The following GATA4 variants were observed in gnomAD, a reference collection of about 807,000 sequenced individuals.
GATA4 encodes the protein transcription factor GATA-4.
GATA4 carries 7 observed loss-of-function variants against 37.9 expected under a neutral mutation model. The ratio of observed to expected loss-of-function variants is 0.18; its 90% CI spans 0.11 to 0.35. The LOEUF (loss-of-function observed/expected upper bound fraction) is 0.35. GATA4 is among the 10% of genes least tolerant of loss of function. The probability of loss-of-function intolerance (pLI) is 1.00; values close to 1 mark genes in which losing one functional copy is unlikely to be tolerated. For synonymous variants in GATA4, 372 were observed against 292.6 expected (o/e 1.27, Z -2.77); for missense variants, 647 against 653.0 (o/e 0.99, Z 0.10).
At chr8:11,691,602 A>G (rs1368210682), upstream of GATA4, among the ~76,000 whole-genome samples, 1 of 152,242 alleles carries the variant, frequency 6.6e-6, no homozygotes, top group African/African-American at 2.4e-5. Flanking sequence ...TTATGGACAG[A>G]AAACTAAGGC....
chr8:11,738,547 C>T (rs1259165240), intron 2 of GATA4, among the ~76,000 whole-genome samples: 3 of 152,106 alleles, frequency 2.0e-5, no homozygotes, highest in Admixed American at 6.5e-5. Context: ...TATTGATGAA[C>T]GTAAGAGTTG....
chr8:11,726,731 G>A (rs538671626), intron 2 of GATA4, among the ~76,000 whole-genome samples: 1 of 152,146 alleles, frequency 6.6e-6, no homozygotes, highest in Non-Finnish European at 1.5e-5. Flanking sequence ...GAAGTGGATA[G>A]GCGTGTGCCC....
chr8:11,727,025 C>T (rs565006078), intron 2 of GATA4, among the ~76,000 whole-genome samples: 3 of 151,466 alleles, frequency 2.0e-5, no homozygotes, highest in Non-Finnish European at 4.4e-5. Context: ...CCTGGAGAGC[C>T]CCTTGAGGCA....
At chr8:11,697,392 C>T (rs898370901) in intron 1 of GATA4, among the ~76,000 whole-genome samples, 4 of 152,214 alleles carry the variant, frequency 2.6e-5, no homozygotes, top group African/African-American at 9.7e-5. Context: ...TTCCAAGCTC[C>T]GTGCCTCCCC....
rs963450811 is a variant in GATA4 at position 11,708,172 on chromosome 8, G to T, written c.-141G>T. 1.6e-5 allele frequency: 15 copies of T among 959,140 alleles called. No individual in the cohort carries two copies. The highest frequency in any genetic ancestry group is 2.0e-5 in the Admixed American group (1 of 50,174). 59.4% of individuals were successfully genotyped at this position (959,140 alleles called of 1,614,324 possible). ...TACGTATATATTTTTAAGCGAGTTGGTTTTTTCCCCTTTGATTTTTGATCT... is the reference window on the plus strand; with the variant it reads ...TACGTATATATTTTTAAGCGAGTTGTTTTTTTCCCCTTTGATTTTTGATCT... On this transcript the variant is annotated 5_prime_UTR_variant, in exon 2 of 7. Transcript: ENST00000532059. The surrounding 1 kb of genome is among the most constrained non-coding windows in gnomAD (Gnocchi z 6.7).
At chr8:11,681,938 C>T (rs1218971312) in intron 1 of GATA4, among the ~76,000 whole-genome samples, 1 of 152,146 alleles carries the variant, frequency 6.6e-6, no homozygotes, top group Admixed American at 6.5e-5. Context: ...AGATCCTTGC[C>T]CCTCACAATA....
chr8:11,716,248 CTAAT>C (rs974372498), intron 2 of GATA4, among the ~76,000 whole-genome samples: 2 of 151,834 alleles, frequency 1.3e-5, no homozygotes, highest in African/African-American at 2.4e-5. Context: ...ACATATTAAA[CTAAT>C]TAAGTTTTAA....
chr8:11,719,017 A>G (rs546714216), intron 2 of GATA4, among the ~76,000 whole-genome samples: 190 of 152,354 alleles, frequency 1.2e-3, no homozygotes, highest in African/African-American at 4.3e-3. Context: ...AGGTTTTCCT[A>G]TCTTATGATA....
chr8:11,727,691 A>G (rs1160883237), intron 2 of GATA4, among the ~76,000 whole-genome samples: 1 of 152,040 alleles, frequency 6.6e-6, no homozygotes, highest in African/African-American at 2.4e-5. Flanking sequence ...AAAAATACAA[A>G]AAATTCGCCC....
At chr8:11,754,013 G>C (rs764690360) in intron 4 of GATA4, among the ~76,000 whole-genome samples, 16 of 152,146 alleles carry the variant, frequency 1.1e-4, no homozygotes, top group Non-Finnish European at 1.8e-4. Context: ...TGTTGTCCAG[G>C]GACATTTTAT....
chr8:11,756,253 G>C (rs889626237), intron 5 of GATA4, among the ~76,000 whole-genome samples: 1 of 152,146 alleles, frequency 6.6e-6, no homozygotes, highest in Non-Finnish European at 1.5e-5. Flanking sequence ...TCAAAGTTCT[G>C]CTTTTGTACA....
chr8:11,690,260 A>G (rs1799268032), upstream of GATA4, among the ~76,000 whole-genome samples: 1 of 152,256 alleles, frequency 6.6e-6, no homozygotes, highest in South Asian at 2.1e-4. Flanking sequence ...CAGCCCTGAT[A>G]CCACATCTTC....
chr8:11,745,825 A>T (rs1382813209), intron 2 of GATA4, among the ~76,000 whole-genome samples: 1 of 152,218 alleles, frequency 6.6e-6, no homozygotes, highest in Non-Finnish European at 1.5e-5. Context: ...TGAATAAAAT[A>T]ATAGAAGTCT....
At position 11,707,628 on chromosome 8, in the gene GATA4, C is replaced by G. The variant is rs1323344296; in HGVS notation, c.-457-228C>G. ...CTGCACACCAAAGACCCGGGAAGCC[C>G]CTGGTCCCTGGGGCGCCTCTCCCCA... On this transcript the variant is annotated intron_variant, in intron 1 of 6. Transcript: ENST00000532059. The surrounding 1 kb of genome is among the most constrained non-coding windows in gnomAD (Gnocchi z 4.7). Among the ~76,000 whole-genome samples, 1 of 152,178 alleles carries G rather than the reference C, an allele frequency of 6.6e-6. No homozygotes were observed. The highest frequency in any genetic ancestry group is 6.5e-5 in the Admixed American group (1 of 15,288).
chr8:11,704,956 A>G lies in GATA4; in HGVS notation c.-458+652A>G, dbSNP rs536197967. Among the ~76,000 whole-genome samples the G allele has an allele frequency of 2.2e-3, 333 of 152,310 alleles. 1 individual carries two copies. The highest frequency in any genetic ancestry group is 3.8e-3 in the Non-Finnish European group (258 of 68,026). Reference sequence around the variant, plus strand: ...CGCTGCTTCTACCTGAAACTGGCCAAGGGCCCGAGCCCGGACCGGAGCCGT... The same window carrying G: ...CGCTGCTTCTACCTGAAACTGGCCAGGGGCCCGAGCCCGGACCGGAGCCGT... On this transcript the variant is annotated intron_variant, in intron 1 of 6. Transcript: ENST00000532059.
chr8:11,754,695 A>G (rs1320736569), intron 4 of GATA4, among the ~76,000 whole-genome samples: 6 of 151,420 alleles, frequency 4.0e-5, no homozygotes, highest in African/African-American at 1.5e-4. Flanking sequence ...CCCACTCCTC[A>G]CCCCAGGACA....
intron 2 of GATA4, among the ~76,000 whole-genome samples, chr8:11,726,573 C>G (rs1313928497): frequency 6.6e-6 from 1 of 152,110 alleles, no homozygotes; most frequent in Non-Finnish European, 1.5e-5. Flanking sequence ...ATGTGGGATA[C>G]TCCAGTCTCT....
At chr8:11,726,580 C>G (rs913582463) in intron 2 of GATA4, among the ~76,000 whole-genome samples, 3 of 152,098 alleles carry the variant, frequency 2.0e-5, no homozygotes, top group East Asian at 3.9e-4. Context: ...ATACTCCAGT[C>G]TCTGTTTGAA....
At chr8:11,729,562 A>G (rs996077045) in intron 2 of GATA4, among the ~76,000 whole-genome samples, 2 of 152,010 alleles carry the variant, frequency 1.3e-5, no homozygotes, top group African/African-American at 4.8e-5. Context: ...TCTCAAAAAA[A>G]AAAAAAATGC....
Sources: allele counts gnomAD v4.1 joint callset (sites outside exome capture counted in the v4.1 genomes callset), GRCh38; gene constraint gnomAD v4.1.1; non-coding constraint Gnocchi (gnomAD v3.1); transcripts MANE v1.5; gene names NCBI Gene and HGNC (gene_info 2026-07-23, HGNC 2026-07-21).